GALNT17: variants seen among roughly 807,000 people sequenced by gnomAD.
GALNT17 encodes polypeptide N-acetylgalactosaminyltransferase 17.
A neutral mutation model predicts 63.7 loss-of-function variants in GALNT17; 29 were observed. That is an observed-to-expected ratio of 0.46 (90% CI 0.34 to 0.62). The LOEUF is 0.62. GALNT17 is among the 20% of genes least tolerant of loss of function. The pLI is 0.01. For synonymous variants in GALNT17, 305 were observed against 318.3 expected (o/e 0.96, Z 0.45); for missense variants, 603 against 799.6 (o/e 0.75, Z 2.97).
intron 2 of GALNT17, among the ~76,000 whole-genome samples, chr7:71,358,326 C>T (rs1313280598): frequency 6.6e-6 from 1 of 152,184 alleles, no homozygotes; most frequent in African/African-American, 2.4e-5. Context: ...ACGCCGGAGG[C>T]GGAGGTTGTA....
Position 71,455,525 on chromosome 7 carries a change from A to G in GALNT17, c.962+34420A>G, listed in dbSNP as rs551648191. 1.0e-3 allele frequency among the ~76,000 whole-genome samples: 151 copies of G among 144,638 alleles called. 3 individuals are homozygous for G. Among genetic ancestry groups the G allele is most frequent in the Non-Finnish European group, 4.1e-4 (27 of 66,000 alleles). The allele number at this position is 144,638 out of a possible 152,430, so 94.9% of individuals were successfully genotyped here. A position where few individuals can be genotyped will look rare whatever the true frequency, so the allele number is the denominator to read the frequency against. On this transcript the variant is annotated intron_variant, in intron 5 of 10. Coordinates refer to ENST00000333538, the MANE Select transcript of GALNT17 (RefSeq NM_022479.3). ...GTTTTTGTTTTTTTTTTTGCATTTTAATAAGTCTGTATCCATCTTCTCATT... is the reference window on the plus strand; with the variant it reads ...GTTTTTGTTTTTTTTTTTGCATTTTGATAAGTCTGTATCCATCTTCTCATT...
intron 1 of GALNT17, among the ~76,000 whole-genome samples, chr7:71,328,721 G>A (rs1057198631): frequency 3.3e-5 from 5 of 151,012 alleles, no homozygotes; most frequent in African/African-American, 1.2e-4. Flanking sequence ...GGAAGCACAT[G>A]GACCAAAAAA....
intron 1 of GALNT17, among the ~76,000 whole-genome samples, chr7:71,147,726 G>C (rs1375623612): frequency 2.0e-5 from 3 of 151,924 alleles, no homozygotes; most frequent in Non-Finnish European, 4.4e-5. Context: ...CCACCTCCCA[G>C]GTTCCATCGA....
At chr7:71,261,562 A>C (rs1037623914) in intron 1 of GALNT17, among the ~76,000 whole-genome samples, 6 of 152,154 alleles carry the variant, frequency 3.9e-5, no homozygotes, top group African/African-American at 1.4e-4. Flanking sequence ...AGACACTGCA[A>C]ATCATTTGGT....
chr7:71,566,239 C>A (rs141363972), intron 5 of GALNT17, among the ~76,000 whole-genome samples: 25 of 152,174 alleles, frequency 1.6e-4, no homozygotes, highest in African/African-American at 5.5e-4. Context: ...CTAGACTGAC[C>A]TCTGGGAAAC....
At chr7:71,547,004 T>A (rs767099590) in intron 5 of GALNT17, among the ~76,000 whole-genome samples, 1 of 152,108 alleles carries the variant, frequency 6.6e-6, no homozygotes, top group Non-Finnish European at 1.5e-5. Context: ...TTTTCTTTTT[T>A]TTCTTGAGAC....
Position 71,132,761 on chromosome 7 carries a change from G to A in GALNT17, c.-42G>A, listed in dbSNP as rs770907476. 1.3e-6 allele frequency: 2 copies of A among 1,524,346 alleles called. No homozygotes were observed. Among genetic ancestry groups the A allele is most frequent in the East Asian group, 2.4e-5 (1 of 40,960 alleles). 94.4% of individuals were successfully genotyped at this position (1,524,346 alleles called of 1,614,324 possible). On this transcript the variant is annotated 5_prime_UTR_variant, in exon 1 of 11. Transcript: ENST00000333538. The stretch of plus-strand genomic sequence containing the variant: ...GCTGCCCCGCGCCTCGCCGGAGCCC[G>A]AGGGGGCGCAGGTCCGGGGCGAGGG...
intron 6 of GALNT17, among the ~76,000 whole-genome samples, chr7:71,583,161 C>T (rs926717230): frequency 7.9e-5 from 12 of 152,140 alleles, no homozygotes; most frequent in African/African-American, 2.7e-4. Flanking sequence ...GTAGCAGGAT[C>T]GCGACTCACT....
chr7:71,302,474 C>T (rs1471313452), intron 1 of GALNT17, among the ~76,000 whole-genome samples: 1 of 152,136 alleles, frequency 6.6e-6, no homozygotes, highest in Non-Finnish European at 1.5e-5. Flanking sequence ...TGGCGGCCTT[C>T]GAATAATGTG....
intron 6 of GALNT17, among the ~76,000 whole-genome samples, chr7:71,605,503 T>C (rs943161728): frequency 5.3e-5 from 8 of 151,534 alleles, no homozygotes; most frequent in African/African-American, 4.9e-5. Context: ...GGAGAATCAC[T>C]TGAACCCAGG....
At chr7:71,310,378 A>G (rs911205020) in intron 1 of GALNT17, among the ~76,000 whole-genome samples, 2 of 152,214 alleles carry the variant, frequency 1.3e-5, no homozygotes, top group Non-Finnish European at 2.9e-5. Flanking sequence ...TTGTAAATGT[A>G]ACTTCACATT....
intron 6 of GALNT17, among the ~76,000 whole-genome samples, chr7:71,624,299 G>C (rs1473234424): frequency 6.6e-6 from 1 of 152,202 alleles, no homozygotes; most frequent in African/African-American, 2.4e-5. Context: ...AAAGGTCTCA[G>C]GGCCCCCAGG....
chr7:71,270,964 GAA>G (rs3839729), intron 1 of GALNT17, among the ~76,000 whole-genome samples: 1 of 149,404 alleles, frequency 6.7e-6, no homozygotes, highest in East Asian at 2.0e-4. Context: ...GAAAAGAAAA[GAA>G]AAAAAAAGAC....
intron 6 of GALNT17, among the ~76,000 whole-genome samples, chr7:71,652,841 G>A (rs866329912): frequency 1.3e-5 from 2 of 152,156 alleles, no homozygotes; most frequent in Admixed American, 6.5e-5. Context: ...TACAGAACCC[G>A]CCATAGCTCG....
intron 1 of GALNT17, among the ~76,000 whole-genome samples, chr7:71,315,331 A>G (rs1210857636): frequency 6.6e-6 from 1 of 152,198 alleles, no homozygotes; most frequent in South Asian, 2.1e-4. Context: ...GCTGCTGTGA[A>G]TCACTTGTGT....
At chr7:71,172,693 C>A (rs1483676755) in intron 1 of GALNT17, among the ~76,000 whole-genome samples, 1 of 152,114 alleles carries the variant, frequency 6.6e-6, no homozygotes, top group Admixed American at 6.5e-5. Context: ...TGCCTTGGAC[C>A]TAATAGTAAC....
At chr7:71,210,296 AAT>A (rs1789352373) in intron 1 of GALNT17, among the ~76,000 whole-genome samples, 1 of 152,136 alleles carries the variant, frequency 6.6e-6, no homozygotes, top group Admixed American at 6.5e-5. Flanking sequence ...TGGGAGATGC[AAT>A]TCAAGTTGAG....
chr7:71,216,081 GTAGTGCA>G (rs1487208199), intron 1 of GALNT17, among the ~76,000 whole-genome samples: 1 of 142,380 alleles, frequency 7.0e-6, no homozygotes, highest in African/African-American at 2.5e-5. Flanking sequence ...GCCAAGCGTG[GTAGTGCA>G]CACCTGTAGC....
At chr7:71,367,106 A>G (rs1165538856) in intron 2 of GALNT17, among the ~76,000 whole-genome samples, 1 of 152,214 alleles carries the variant, frequency 6.6e-6, no homozygotes, top group African/African-American at 2.4e-5. Flanking sequence ...AATTGTCTCA[A>G]GCAATACCTT....
Sources: gnomAD v4.1 joint callset for allele counts (sites outside exome capture counted in the v4.1 genomes callset) on GRCh38, gnomAD v4.1.1 for gene constraint, MANE v1.5 for transcripts, NCBI Gene and HGNC (gene_info 2026-07-23, HGNC 2026-07-21) for gene names.